The following CNTN6 variants were observed in gnomAD, a reference collection of about 807,000 sequenced individuals.
The protein encoded by CNTN6 is contactin 6, also known as contactin-6.
Under a neutral mutation model 122.8 loss-of-function variants are expected in CNTN6, and 137 were observed. The observed-to-expected ratio is 1.12, with a 90% confidence interval of 0.97 to 1.29. The LOEUF is 1.29. Ranked by LOEUF, CNTN6 falls within the 50% of genes most tolerant of loss-of-function variation. The pLI is 0.00. For synonymous variants in CNTN6, 570 were observed against 426.0 expected, an observed-to-expected ratio of 1.34 and a Z score of -4.16; for missense variants, 1,634 against 1,223.4, an observed-to-expected ratio of 1.34 and a Z score of -5.01.
chr3:1,333,082 A>G (rs1407901615), intron 11 of CNTN6, among the ~76,000 whole-genome samples: 1 of 152,006 alleles, frequency 6.6e-6, no homozygotes, highest in Non-Finnish European at 1.5e-5. Flanking sequence ...GTATGTGTGT[A>G]TTTGTGTGGG....
At chr3:1,291,754 T>A (rs1221375690) in intron 5 of CNTN6, among the ~76,000 whole-genome samples, 1 of 152,110 alleles carries the variant, frequency 6.6e-6, no homozygotes. Flanking sequence ...AGCAACAGGC[T>A]TAGAAGTGAG....
chr3:1,332,495 A>AAAAGG (rs376354688), intron 11 of CNTN6, among the ~76,000 whole-genome samples: 1 of 118,552 alleles, frequency 8.4e-6, no homozygotes, highest in Non-Finnish European at 1.7e-5. Flanking sequence ...AGGAAGGAAA[A>AAAAGG]AAGGAAGGAA....
At chr3:1,102,498 A>G (rs1008579429) in intron 1 of CNTN6, among the ~76,000 whole-genome samples, 1 of 151,490 alleles carries the variant, frequency 6.6e-6, no homozygotes, top group African/African-American at 2.4e-5. Context: ...TGGGAGGCCG[A>G]GGTGGGCGGA....
intron 5 of CNTN6, among the ~76,000 whole-genome samples, chr3:1,279,407 C>T (rs1293441930): frequency 2.0e-5 from 3 of 152,114 alleles, no homozygotes; most frequent in African/African-American, 7.2e-5. Context: ...TTAATAACAG[C>T]AAGGACTTAC....
intron 7 of CNTN6, among the ~76,000 whole-genome samples, chr3:1,314,497 G>A (rs1699825163): frequency 6.6e-6 from 1 of 152,056 alleles, no homozygotes; most frequent in Non-Finnish European, 1.5e-5. Flanking sequence ...AGAAATACAA[G>A]CTTTCTCAAA....
At chr3:1,127,426 T>A (rs2125085461) in intron 1 of CNTN6, among the ~76,000 whole-genome samples, 1 of 152,056 alleles carries the variant, frequency 6.6e-6, no homozygotes, top group African/African-American at 2.4e-5. Flanking sequence ...AAGTTTAAAG[T>A]TACCTAGTCA....
intron 2 of CNTN6, among the ~76,000 whole-genome samples, chr3:1,166,654 C>A (rs755484228): frequency 2.6e-5 from 4 of 151,968 alleles, no homozygotes; most frequent in Non-Finnish European, 4.4e-5. Flanking sequence ...ACAGGCTCCG[C>A]AATTAAAGAC....
At chr3:1,124,771 T>C (rs1194706896) in intron 1 of CNTN6, among the ~76,000 whole-genome samples, 1 of 151,898 alleles carries the variant, frequency 6.6e-6, no homozygotes, top group East Asian at 1.9e-4. Context: ...ATGATTCAAT[T>C]TTCGGCCACT....
intron 4 of CNTN6, among the ~76,000 whole-genome samples, chr3:1,234,774 G>T (rs1040308842): frequency 1.3e-5 from 2 of 152,086 alleles, no homozygotes; most frequent in African/African-American, 4.8e-5. Flanking sequence ...TGGTAAATTA[G>T]TATTGATTTT....
chr3:1,317,777 C>T (rs1184874272), intron 7 of CNTN6, among the ~76,000 whole-genome samples: 2 of 151,272 alleles, frequency 1.3e-5, no homozygotes, highest in South Asian at 2.1e-4. Flanking sequence ...CTACAAGCCT[C>T]TTATGGCAAG....
intron 1 of CNTN6, among the ~76,000 whole-genome samples, chr3:1,117,633 G>A (rs1236205009): frequency 1.3e-5 from 2 of 152,114 alleles, no homozygotes; most frequent in Admixed American, 1.3e-4. Context: ...GATACTACTG[G>A]AGAGTTCCAA....
intron 2 of CNTN6, among the ~76,000 whole-genome samples, chr3:1,201,099 T>TTGTGTGTGTGTGTGTGTGTGTGTGTGTG: frequency 7.7e-6 from 1 of 130,088 alleles, no homozygotes; most frequent in Admixed American, 7.7e-5. Context: ...AGCTAACATT[T>TTGTGTGTGTGTGTGTGTGTGTGTGTGTG]TGTGTGTGTG....
At chr3:1,273,257 G>C (rs776917670) in intron 4 of CNTN6, among the ~76,000 whole-genome samples, 1 of 152,140 alleles carries the variant, frequency 6.6e-6, no homozygotes, top group Non-Finnish European at 1.5e-5. Flanking sequence ...TGGTCTATGA[G>C]AATATCTCCA....
rs113312168 is a variant in CNTN6 at position 1,388,317 on chromosome 3, G to T, written c.2704+2520G>T. ...GCAGGGGCACACTGACACCTCACACGGCAGGGTATGCCAACAGACCTGAAG... is the reference window on the plus strand; with the variant it reads ...GCAGGGGCACACTGACACCTCACACTGCAGGGTATGCCAACAGACCTGAAG... On this transcript the variant is annotated intron_variant, in intron 20 of 22. Transcript: ENST00000446702. Among the ~76,000 whole-genome samples, 424 of 146,088 alleles carry T rather than the reference G, an allele frequency of 2.9e-3. 8 individuals carry two copies. The highest frequency in any genetic ancestry group is 4.3e-3 in the Non-Finnish European group (280 of 65,698).
rs149654759 is a variant in CNTN6 at position 1,323,185 on chromosome 3, G to C, written c.946+1351G>C. ...TCACTTATAGAATTCTTAATCTTAA[G>C]AAGTAGAAATCTTAAGATTAATATT... On this transcript the variant is annotated intron_variant, in intron 8 of 22. Transcript: ENST00000446702. 6.5e-3 allele frequency among the ~76,000 whole-genome samples: 992 copies of C among 151,794 alleles called. 4 individuals are homozygous for C. The highest frequency in any genetic ancestry group is 9.9e-3 in the Non-Finnish European group (668 of 67,796).
intron 20 of CNTN6, among the ~76,000 whole-genome samples, chr3:1,391,000 T>C (rs1390614053): frequency 7.5e-6 from 1 of 132,774 alleles, no homozygotes; most frequent in Non-Finnish European, 1.6e-5. Context: ...TACCATTCCT[T>C]CTGAAACTAT....
At position 1,214,301 on chromosome 3, in the gene CNTN6, C is replaced by CTTTTT. The variant is rs34799447; in HGVS notation, c.56-6366_56-6362dup. The stretch of plus-strand genomic sequence containing the variant: ...TTGTTCAAATGTGTTTGTTGGATGT[C>CTTTTT]TTTTTTTTTTTTTTTTTTTTTTTTG... On this transcript the variant is annotated intron_variant, in intron 2 of 22. Transcript: ENST00000446702. Among the ~76,000 whole-genome samples the CTTTTT allele has an allele frequency of 4.4e-3, 194 of 44,026 alleles. 12 individuals carry two copies. The highest frequency in any genetic ancestry group is 7.2e-3 in the East Asian group (9 of 1,254). 28.9% of individuals were successfully genotyped at this position (44,026 alleles called of 152,430 possible).
rs74594767 is a variant in CNTN6, at chr3:1,295,526, G to T, written c.455-75G>T. 3,792 of 1,322,486 alleles carry T rather than the reference G, an allele frequency of 2.9e-3. 99 individuals are homozygous for T. The African/African-American group carries it at 0.049, about 17-fold the overall frequency. 81.9% of individuals were successfully genotyped at this position (1,322,486 alleles called of 1,614,324 possible). A position where few individuals can be genotyped will look rare whatever the true frequency, so the allele number is the denominator to read the frequency against. On this transcript the variant is annotated intron_variant, in intron 5 of 22. Coordinates refer to ENST00000446702, the MANE Select transcript of CNTN6 (RefSeq NM_001289080.2). ...CCTAATTATGGGGAAGTAAGACAAA[G>T]AATTTTCAGATATGAATGAATGCAG...
intron 4 of CNTN6, among the ~76,000 whole-genome samples, chr3:1,233,587 T>C (rs554168091): frequency 6.6e-6 from 1 of 151,466 alleles, no homozygotes; most frequent in African/African-American, 2.4e-5. Context: ...TACAAAAAAT[T>C]AGCCGGGTGT....
Sources: allele counts gnomAD v4.1 joint callset (sites outside exome capture counted in the v4.1 genomes callset), GRCh38; gene constraint gnomAD v4.1.1; transcripts MANE v1.5; gene names NCBI Gene and HGNC (gene_info 2026-07-23, HGNC 2026-07-21).